ARRDC2: variants seen among roughly 807,000 people sequenced by gnomAD.
ARRDC2 encodes the protein arrestin domain-containing protein 2.
ARRDC2 carries 39 observed loss-of-function variants against 38.9 expected under a neutral mutation model. The ratio of observed to expected loss-of-function variants is 1.00; its 90% CI spans 0.78 to 1.31. ARRDC2 has a LOEUF of 1.31. Among genes scored for constraint, ARRDC2 ranks in the 50% most tolerant of loss-of-function variants. The pLI is 0.00. For missense variants in ARRDC2, 553 were observed against 588.4 expected (o/e 0.94, Z 0.62); for synonymous variants, 300 against 261.9 (o/e 1.15, Z -1.41).
At chr19:18,001,427 C>T in exon 1 of ARRDC2, 1 of 1,233,958 alleles carries the variant, frequency 8.1e-7, no homozygotes, top group Non-Finnish European at 1.0e-6. Flanking sequence ...GCGGCGGCGC[C>T]GCTGCGGGTG....
rs1408578948 is a variant in ARRDC2, at chr19:18,013,866, C to T, written c.*900C>T. On this transcript the variant is annotated 3_prime_UTR_variant, in exon 8 of 8. Transcript: ENST00000222250. ...TCAAGACAGTGACAGCATTACGTCA[C>T]CCCTGGGGACAGAGGTCAGCCTAAG... 1 of 152,138 alleles carries T rather than the reference C, an allele frequency of 6.6e-6. No homozygotes were observed. The highest frequency in any genetic ancestry group is 1.5e-5 in the Non-Finnish European group (1 of 68,042). The allele number at this position is 152,138 out of a possible 1,614,324, so 9.4% of individuals were successfully genotyped here.
chr19:18,008,180 T>A lies in ARRDC2; in HGVS notation c.-131T>A. 1 of 1,216,980 alleles carries A rather than the reference T, an allele frequency of 8.2e-7. No homozygotes were observed. The highest frequency in any genetic ancestry group is 1.0e-6 in the Non-Finnish European group (1 of 965,474). The allele number at this position is 1,216,980 out of a possible 1,614,324, so 75.4% of individuals were successfully genotyped here. On this transcript the variant is annotated 5_prime_UTR_variant, in exon 1 of 8. Transcript: ENST00000222250. ...GACGCACGGCGCGGGGATTTTCTGC[T>A]CCGGTTGGTGAGCGCGCCTGCGCGT...
At chr19:18,010,943 T>G (rs1053555473) in intron 7 of ARRDC2, among the ~76,000 whole-genome samples, 4 of 151,914 alleles carry the variant, frequency 2.6e-5, no homozygotes, top group Non-Finnish European at 5.9e-5. Flanking sequence ...GCCTCTTGAG[T>G]AGCTGGGACT....
rs191820031 is a variant in ARRDC2 at position 18,011,329 on chromosome 19, A to G, written c.1170+600A>G. 1.8e-3 allele frequency among the ~76,000 whole-genome samples: 270 copies of G among 151,902 alleles called. 1 individual carries two copies. Among genetic ancestry groups the G allele is most frequent in the African/African-American group, 6.4e-3 (264 of 41,452 alleles). On this transcript the variant is annotated intron_variant, in intron 7 of 7. Transcript: ENST00000222250. ...GTATTTTTTGTAGAAATGTGGTCTCACTGTGTTGCCCAGGCTGGTCTTGAA... is the reference window on the plus strand; with the variant it reads ...GTATTTTTTGTAGAAATGTGGTCTCGCTGTGTTGCCCAGGCTGGTCTTGAA...
At chr19:18,005,435 C>T (rs1023894170), upstream of ARRDC2, among the ~76,000 whole-genome samples, 8 of 152,258 alleles carry the variant, frequency 5.3e-5, no homozygotes, top group African/African-American at 1.9e-4. Flanking sequence ...AATCTTTTCC[C>T]CACCTTTCCC....
chr19:18,008,097 G>T, upstream of ARRDC2: 1 of 1,196,420 alleles, frequency 8.4e-7, no homozygotes, highest in South Asian at 1.6e-5. Flanking sequence ...TCCCTTCCCG[G>T]GGCGGGGAAG....
chr19:18,006,969 G>A (rs1160060494), upstream of ARRDC2, among the ~76,000 whole-genome samples: 3 of 152,152 alleles, frequency 2.0e-5, no homozygotes, highest in African/African-American at 7.2e-5. Flanking sequence ...GCTGATCACT[G>A]TGCCTCCAAC....
chr19:18,009,158 T>C (rs1431862386), intron 3 of ARRDC2, 40 bp downstream of exon 3: 1 of 1,605,700 alleles, frequency 6.2e-7, no homozygotes, highest in African/African-American at 1.3e-5. Context: ...GGGAGTATTG[T>C]AGGAAGGGGC....
upstream of ARRDC2, chr19:18,008,114 T>TGG: frequency 9.5e-7 from 1 of 1,056,196 alleles, no homozygotes; most frequent in Non-Finnish European, 1.3e-6. Flanking sequence ...GAAGAGACGG[T>TGG]GACCCCACCC....
chr19:18,008,847 A>G (rs1568467099), intron 2 of ARRDC2, 70 bp downstream of exon 2: 1 of 1,598,148 alleles, frequency 6.3e-7, no homozygotes, highest in African/African-American at 1.3e-5. Context: ...CCAATACTGG[A>G]TATCTGGGCA....
chr19:18,010,737 CAG>C lies in ARRDC2; in HGVS notation c.1170+9_1170+10del, dbSNP rs1207571168. 1.2e-6 allele frequency: 2 copies of C among 1,613,286 alleles called. No individual in the cohort carries two copies. The highest frequency in any genetic ancestry group is 1.7e-6 in the Non-Finnish European group (2 of 1,179,816). On this transcript the variant is annotated intron_variant, in intron 7 of 7. Transcript: ENST00000222250. Reference sequence around the variant, plus strand: ...CCACCCCTGTACTCTGAGGTGAGCTCAGGGGTCTGAGAACCACCCATGCCTCT... The same window carrying C: ...CCACCCCTGTACTCTGAGGTGAGCTCGGGTCTGAGAACCACCCATGCCTCT...
upstream of ARRDC2, among the ~76,000 whole-genome samples, chr19:18,003,695 AG>A (rs1416349949): frequency 6.6e-6 from 1 of 151,138 alleles, no homozygotes; most frequent in Admixed American, 6.6e-5. Context: ...GCTGGAGTGC[AG>A]TGGCACCATC....
rs201158191 is a variant in ARRDC2 at position 18,009,060 on chromosome 19, G to A, written c.431G>A (p.Arg144Gln). 1.2e-5 allele frequency: 19 copies of A among 1,613,540 alleles called. No individual in the cohort carries two copies. The African/African-American group carries it at 1.2e-4, about 10-fold the overall frequency. ...TLHRPWVPAR[R>Q]ARKVFTVIEP... ...CACCGGCCCTGGGTCCCAGCACGCC[G>A]GGCAAGGAAGGTGTTCACTGTCATC... Residue 144 changes from arginine (R) to glutamine (Q), a missense_variant, in exon 3 of 8, where the codon CGG becomes CAG. By Grantham distance (43) the Arg-to-Gln change is conservative (BLOSUM62 1). Transcript: ENST00000222250.
exon 1 of ARRDC2, chr19:18,001,358 G>C: frequency 8.4e-7 from 1 of 1,196,768 alleles, no homozygotes. Context: ...GAGCTGGCGC[G>C]GGGCCCGGGC....
intron 1 of ARRDC2, among the ~76,000 whole-genome samples, chr19:18,001,733 A>G (rs995988818): frequency 1.3e-4 from 20 of 152,178 alleles, no homozygotes; most frequent in African/African-American, 4.6e-4. Flanking sequence ...CCCACAGGTC[A>G]GGAGTTCAAG....
rs145370397 is a variant in ARRDC2, at chr19:18,010,639, G to A, written c.1080G>A (p.Pro360=). The A allele has an allele frequency of 1.9e-4, 301 of 1,613,752 alleles. No homozygotes were observed. The highest frequency in any genetic ancestry group is 2.5e-4 in the Non-Finnish European group (293 of 1,179,998). ...EEAALGQSPF[P]LPQDPDMSLE... is the part of the protein sequence containing the mutation. Reference sequence around the variant, plus strand: ...CAGCCTTGGGGCAGAGCCCCTTCCCGCTTCCGCAGGACCCCGACATGAGCC... The same window carrying A: ...CAGCCTTGGGGCAGAGCCCCTTCCCACTTCCGCAGGACCCCGACATGAGCC... Residue 360 remains proline, a synonymous_variant, in exon 7 of 8, where the codon CCG becomes CCA. Coordinates refer to ENST00000222250, the MANE Select transcript of ARRDC2 (RefSeq NM_015683.2).
At chr19:18,008,133 C>CCCCCCCCAAAAAAAAAA, upstream of ARRDC2, 2 of 1,290,782 alleles carry the variant, frequency 1.5e-6, no homozygotes, top group Non-Finnish European at 2.0e-6. Context: ...CCCCCCCCGC[C>CCCCCCCCAAAAAAAAAA]CTGCCGTATA....
chr19:18,008,151 C>T, upstream of ARRDC2: 3 of 923,190 alleles, frequency 3.2e-6, no homozygotes, highest in South Asian at 1.8e-5. Context: ...ATAAAAGCGG[C>T]GCCGACGCAC....
chr19:18,008,625 C>T (rs201798567), intron 1 of ARRDC2, 41 bp downstream of exon 1: 12 of 1,599,060 alleles, frequency 7.5e-6, no homozygotes, highest in South Asian at 6.6e-5. Context: ...AGTTGTGTGC[C>T]TCCCACCACC....
Sources: gnomAD v4.1 joint callset for allele counts (sites outside exome capture counted in the v4.1 genomes callset) on GRCh38, gnomAD v4.1.1 for gene constraint, MANE v1.5 for transcripts, NCBI Gene and HGNC (gene_info 2026-07-23, HGNC 2026-07-21) for gene names.